The following TRAK1 variants were observed in gnomAD, a reference collection of about 807,000 sequenced individuals.
TRAK1 encodes the protein trafficking kinesin protein 1.
In TRAK1, 33 loss-of-function variants were observed where a neutral mutation model predicts 92.1. That is an observed-to-expected ratio of 0.36 (90% CI 0.27 to 0.48). The LOEUF is 0.48. Ranked by LOEUF, TRAK1 falls within the 20% of genes least tolerant of loss-of-function variation. The pLI, the probability that TRAK1 is intolerant of heterozygous loss-of-function variation, is 0.99. For missense variants in TRAK1, 1,123 were observed against 1,257.9 expected (o/e 0.89, Z 1.62); for synonymous variants, 521 against 517.3 (o/e 1.01, Z -0.10).
chr3:42,223,750 G>C lies in TRAK1; in HGVS notation c.*13G>C, dbSNP rs369012054. 6.3e-7 allele frequency: 1 copy of C among 1,590,806 alleles called. No homozygotes were observed. Among genetic ancestry groups the C allele is most frequent in the African/African-American group, 1.3e-5 (1 of 74,570 alleles). ...TAGCTTACGGTGAGGACTGGAGGGG[G>C]GCCGGTTGCCCTAGAGGAGACCCAC... On this transcript the variant is annotated 3_prime_UTR_variant, in exon 16 of 16. Transcript: ENST00000327628. The surrounding 1 kb of genome is among the most constrained non-coding windows in gnomAD (Gnocchi z 6.1).
intron 2 of TRAK1, among the ~76,000 whole-genome samples, chr3:42,173,731 A>G (rs1702851141): frequency 6.6e-6 from 1 of 152,102 alleles, no homozygotes; most frequent in African/African-American, 2.4e-5. Flanking sequence ...TGGGGTCCTT[A>G]ACATCCAGAT....
At chr3:42,101,659 C>T (rs1042028821) in intron 1 of TRAK1, among the ~76,000 whole-genome samples, 1 of 152,212 alleles carries the variant, frequency 6.6e-6, no homozygotes, top group Non-Finnish European at 1.5e-5. Flanking sequence ...CATGAAGCAG[C>T]CATAGACATT....
At chr3:42,112,479 A>G (rs1241598271) in intron 1 of TRAK1, among the ~76,000 whole-genome samples, 1 of 151,172 alleles carries the variant, frequency 6.6e-6, no homozygotes, top group Non-Finnish European at 1.5e-5. Context: ...TCATGCCTGT[A>G]ATCCCATCAC....
chr3:42,134,303 A>AG (rs1697642822), intron 2 of TRAK1, among the ~76,000 whole-genome samples: 1 of 147,920 alleles, frequency 6.8e-6, no homozygotes, highest in African/African-American at 2.5e-5. Context: ...CCTTACCTTA[A>AG]TCTTGCTCTG....
chr3:42,098,336 G>A (rs749720809), intron 1 of TRAK1, among the ~76,000 whole-genome samples: 1 of 152,126 alleles, frequency 6.6e-6, no homozygotes, highest in African/African-American at 2.4e-5. Context: ...TTCACGGGTC[G>A]TACTGGGTTA....
At chr3:42,160,518 A>C in intron 2 of TRAK1, 1 of 1,580,256 alleles carries the variant, frequency 6.3e-7, no homozygotes, top group South Asian at 1.1e-5. Context: ...CCTTGTTAGT[A>C]TCTAAATAGG....
chr3:42,109,153 G>A (rs1166029987), intron 1 of TRAK1, among the ~76,000 whole-genome samples: 1 of 152,108 alleles, frequency 6.6e-6, no homozygotes, highest in Non-Finnish European at 1.5e-5. Context: ...ATGTCAAACG[G>A]GGATAAATGT....
chr3:42,219,261 C>T (rs2149541142), intron 14 of TRAK1: 1 of 984,438 alleles, frequency 1.0e-6, no homozygotes, highest in African/African-American at 1.8e-5. Context: ...GAAACCTAGT[C>T]TGGATTGGGT....
upstream of TRAK1, among the ~76,000 whole-genome samples, chr3:42,089,675 A>ACCCCCCCCCCC (rs3073728): frequency 7.5e-6 from 1 of 132,844 alleles, no homozygotes. Context: ...GCTTTTTGTG[A>ACCCCCCCCCCC]CCCCCCCCCA....
Position 42,180,705 on chromosome 3 carries a change from A to G in TRAK1, c.363+3815A>G, listed in dbSNP as rs560151653. On this transcript the variant is annotated intron_variant, in intron 3 of 15. Coordinates refer to ENST00000327628, the MANE Select transcript of TRAK1 (RefSeq NM_001042646.3). ...AAAAAAAAAAAAAAAAGAAAAAGGAAAAAAAGGTGGAGGGTGGAGAAAGAA... is the reference window on the plus strand; with the variant it reads ...AAAAAAAAAAAAAAAAGAAAAAGGAGAAAAAGGTGGAGGGTGGAGAAAGAA... Among the ~76,000 whole-genome samples the G allele has an allele frequency of 6.6e-5, 10 of 151,866 alleles. No individual in the cohort carries two copies. The East Asian group carries it at 1.7e-3, about 26-fold the overall frequency.
intron 1 of TRAK1, among the ~76,000 whole-genome samples, chr3:42,111,419 G>A (rs904154402): frequency 8.0e-5 from 12 of 150,220 alleles, no homozygotes; most frequent in Admixed American, 1.3e-4. Flanking sequence ...TTTTTGAGAC[G>A]GAGTCTCACT....
intron 2 of TRAK1, among the ~76,000 whole-genome samples, chr3:42,153,696 A>G (rs879735532): frequency 5.3e-5 from 8 of 152,194 alleles, no homozygotes; most frequent in Non-Finnish European, 1.0e-4. Context: ...ACTTGATTTC[A>G]GTGATCTCTG....
chr3:42,013,734 C>T (rs1701399193), upstream of TRAK1: 1 of 147,972 alleles, frequency 6.8e-6, no homozygotes, highest in African/African-American at 2.4e-5. The surrounding 1 kb of genome is among the most constrained non-coding windows in gnomAD (Gnocchi z 5.1). Flanking sequence ...GCCCCGGGGC[C>T]CACCCGGCCG....
chr3:42,111,673 G>T (rs1708424791), intron 1 of TRAK1, among the ~76,000 whole-genome samples: 1 of 152,116 alleles, frequency 6.6e-6, no homozygotes, highest in Admixed American at 6.5e-5. Context: ...GGGATAACAG[G>T]TGTGAGCCAC....
Position 42,223,356 on chromosome 3 carries a change from C to T in TRAK1, c.2481C>T (p.Val827=). ...SILREVREKN[V]RSSESQTDVS... ...TGAGGGAAGTGAGAGAAAAGAACGT[C>T]CGCAGCAGCGAGAGCCAGACCGACG... The change falls in exon 16 of 16, where the codon GTC becomes GTT. Residue 827 remains valine (V), a synonymous_variant. Transcript: ENST00000327628. The surrounding 1 kb of genome is among the most constrained non-coding windows in gnomAD (Gnocchi z 6.1). The T allele has an allele frequency of 2.0e-5, 33 of 1,614,224 alleles. No individual in the cohort carries two copies. The highest frequency in any genetic ancestry group is 2.7e-5 in the Non-Finnish European group (32 of 1,180,052).
chr3:42,141,151 A>G (rs982181010), intron 2 of TRAK1, among the ~76,000 whole-genome samples: 40 of 152,212 alleles, frequency 2.6e-4, no homozygotes, highest in African/African-American at 8.9e-4. Flanking sequence ...AATATATTAT[A>G]TAAATTGAAA....
intron 4 of TRAK1, among the ~76,000 whole-genome samples, chr3:42,187,391 A>G (rs931928457): frequency 6.6e-6 from 1 of 152,096 alleles, no homozygotes; most frequent in Non-Finnish European, 1.5e-5. Flanking sequence ...AACATGATCA[A>G]TTTTTCTGGC....
chr3:42,210,639 C>T, intron 14 of TRAK1: 1 of 1,008,532 alleles, frequency 9.9e-7, no homozygotes, highest in Non-Finnish European at 1.2e-6. Context: ...CTCAGGATTT[C>T]AGACATTTCA....
chr3:42,093,440 A>G (rs1313800172), intron 1 of TRAK1, among the ~76,000 whole-genome samples: 1 of 152,072 alleles, frequency 6.6e-6, no homozygotes, highest in East Asian at 1.9e-4. Context: ...AGTAGGTAGA[A>G]TATTTATCAC....
Sources: allele counts gnomAD v4.1 joint callset (sites outside exome capture counted in the v4.1 genomes callset), GRCh38; gene constraint gnomAD v4.1.1; non-coding constraint Gnocchi (gnomAD v3.1); transcripts MANE v1.5; gene names NCBI Gene and HGNC (gene_info 2026-07-23, HGNC 2026-07-21).